The following MKLN1 variants were observed in gnomAD, a reference collection of about 807,000 sequenced individuals.
MKLN1 encodes muskelin.
In MKLN1, 18 loss-of-function variants were observed where a neutral mutation model predicts 99.0. That is an observed-to-expected ratio of 0.18 (90% confidence interval 0.13 to 0.27). MKLN1 has a LOEUF of 0.27. Among genes scored for constraint, MKLN1 ranks in the 10% least tolerant of loss-of-function variants. The pLI is 1.00. For synonymous variants in MKLN1, 288 were observed against 293.2 expected, an observed-to-expected ratio of 0.98 and a Z score of 0.18; for missense variants, 621 against 875.9, an observed-to-expected ratio of 0.71 and a Z score of 3.67.
At chr7:131,136,580 A>G (rs1438317227) in intron 1 of MKLN1, among the ~76,000 whole-genome samples, 1 of 152,184 alleles carries the variant, frequency 6.6e-6, no homozygotes, top group Admixed American at 6.5e-5. Context: ...TACCGATTCC[A>G]TATAGAATGT....
chr7:131,459,908 A>G (rs1347813019), intron 12 of MKLN1, among the ~76,000 whole-genome samples: 1 of 151,962 alleles, frequency 6.6e-6, no homozygotes, highest in African/African-American at 2.4e-5. Context: ...TTTGGCTTCG[A>G]TGGGTATATC....
intron 3 of MKLN1, among the ~76,000 whole-genome samples, chr7:131,272,136 C>T (rs1431520167): frequency 6.6e-6 from 1 of 152,138 alleles, no homozygotes; most frequent in Admixed American, 6.5e-5. Context: ...GAAGCGAAGG[C>T]CTCTGAAGCT....
At chr7:131,418,407 G>C (rs1795089641) in intron 8 of MKLN1, among the ~76,000 whole-genome samples, 1 of 151,122 alleles carries the variant, frequency 6.6e-6, no homozygotes, top group Admixed American at 6.6e-5. Context: ...GATAAATCAG[G>C]GGTGTTCAAT....
At chr7:131,485,929 T>C (rs1183330850) in intron 17 of MKLN1, among the ~76,000 whole-genome samples, 1 of 152,066 alleles carries the variant, frequency 6.6e-6, no homozygotes, top group Non-Finnish European at 1.5e-5. Context: ...CTGGTATTAT[T>C]GGGACATCAA....
chr7:131,464,139 C>T (rs556312228), intron 13 of MKLN1, 155 bp from the exon 14 acceptor site: 60 of 480,390 alleles, frequency 1.2e-4, no homozygotes, highest in Admixed American at 5.0e-4. Context: ...TAACAAATTC[C>T]GATTGTTTTA....
intron 3 of MKLN1, among the ~76,000 whole-genome samples, chr7:131,271,807 G>A (rs1390812239): frequency 6.6e-6 from 1 of 151,970 alleles, no homozygotes; most frequent in African/African-American, 2.4e-5. Context: ...TACTCAGGAG[G>A]CTGAGGCAGG....
intron 1 of MKLN1, among the ~76,000 whole-genome samples, chr7:131,140,702 C>T (rs1312914039): frequency 1.3e-5 from 2 of 152,148 alleles, no homozygotes; most frequent in Non-Finnish European, 2.9e-5. Flanking sequence ...GCCAAATAAA[C>T]CTTTTTTCTT....
At position 131,490,849 on chromosome 7, in the gene MKLN1, C is replaced by G. The variant is rs1388625645; in HGVS notation, c.*3121C>G. 1 of 152,494 alleles carries G rather than the reference C, an allele frequency of 6.6e-6. No homozygotes were observed. Among genetic ancestry groups the G allele is most frequent in the Non-Finnish European group, 1.5e-5 (1 of 68,004 alleles). 9.4% of individuals were successfully genotyped at this position (152,494 alleles called of 1,614,324 possible). ...GCCTTAAAAGTGCTATGTAGAGATA[C>G]ATTAACAGAGTTATAATAAAACAGT... On this transcript the variant is annotated 3_prime_UTR_variant, in exon 18 of 18. Transcript: ENST00000352689.
At chr7:131,133,923 A>G (rs1285833715) in intron 1 of MKLN1, among the ~76,000 whole-genome samples, 8 of 132,204 alleles carry the variant, frequency 6.1e-5, no homozygotes, top group East Asian at 2.4e-4. Context: ...TCTGCCTCCC[A>G]GGTTCAAGCG....
At chr7:131,150,179 G>T (rs1399590460) in intron 2 of MKLN1, among the ~76,000 whole-genome samples, 1 of 151,796 alleles carries the variant, frequency 6.6e-6, no homozygotes, top group South Asian at 2.1e-4. Context: ...TGTTACAAAC[G>T]CTCTCAATCA....
Position 131,212,714 on chromosome 7 carries a change from G to GGGA in MKLN1, c.-179+9742_-179+9744dup, listed in dbSNP as rs551346732. 1.3e-3 allele frequency among the ~76,000 whole-genome samples: 195 copies of GGGA among 152,140 alleles called. 1 individual carries two copies. The highest frequency in any genetic ancestry group is 4.5e-3 in the African/African-American group (188 of 41,538). ...CGAGGAGGGTGGATCACCTGAGGTT[G>GGGA]GGAGTTCGAGACCAGCCTGACCAAC... On this transcript the variant is annotated intron_variant, in intron 3 of 7. Transcript: ENST00000416992.
chr7:131,489,866 A>C lies in MKLN1; in HGVS notation c.*2138A>C, dbSNP rs902273231. The C allele has an allele frequency of 2.0e-5, 3 of 152,002 alleles. No homozygotes were observed. The highest frequency in any genetic ancestry group is 4.4e-5 in the Non-Finnish European group (3 of 67,980). 9.4% of individuals were successfully genotyped at this position (152,002 alleles called of 1,614,324 possible). A position where few individuals can be genotyped will look rare whatever the true frequency, so the allele number is the denominator to read the frequency against. Reference sequence around the variant, plus strand: ...TCTTCCCTCACTTTATTTAGGTAGAATTTTTCCCCCTTCATTTCTGAAATT... The same window carrying C: ...TCTTCCCTCACTTTATTTAGGTAGACTTTTTCCCCCTTCATTTCTGAAATT... On this transcript the variant is annotated 3_prime_UTR_variant, in exon 18 of 18. Coordinates refer to ENST00000352689, the MANE Select transcript of MKLN1 (RefSeq NM_013255.5).
chr7:131,492,734 C>CCA lies in MKLN1; in HGVS notation c.*5006_*5007insCA, dbSNP rs758264068. On this transcript the variant is annotated 3_prime_UTR_variant, in exon 18 of 18. Transcript: ENST00000352689. ...TGGGCAACAGAGCAAGACCCTGTCTCAAAAAAAAAAAAAAAAAAAGAATGT... is the reference window on the plus strand; with the variant it reads ...TGGGCAACAGAGCAAGACCCTGTCTCCAAAAAAAAAAAAAAAAAAAAGAATGT... The CCA allele has an allele frequency of 8.5e-6, 1 of 117,196 alleles. No individual in the cohort carries two copies. The highest frequency in any genetic ancestry group is 9.2e-5 in the Admixed American group (1 of 10,928). 7.3% of individuals were successfully genotyped at this position (117,196 alleles called of 1,614,324 possible).
intron 3 of MKLN1, among the ~76,000 whole-genome samples, chr7:131,239,717 C>T (rs963361973): frequency 5.8e-4 from 88 of 152,276 alleles, no homozygotes; most frequent in Middle Eastern, 3.4e-3. Flanking sequence ...GGATTGGATA[C>T]GGTGGCTCAT....
chr7:131,245,221 TG>T (rs1429615823), intron 3 of MKLN1, among the ~76,000 whole-genome samples: 1 of 152,012 alleles, frequency 6.6e-6, no homozygotes, highest in African/African-American at 2.4e-5. Context: ...TTTCGGTCAG[TG>T]ACAGACTGCA....
At chr7:131,463,407 A>T (rs1226950650) in intron 13 of MKLN1, 43 bp downstream of exon 13, 15 of 1,562,088 alleles carry the variant, frequency 9.6e-6, no homozygotes, top group Non-Finnish European at 1.3e-5. Context: ...TGTAATAATT[A>T]TTTGAGGTTG....
chr7:131,368,225 A>G (rs1800240019), intron 1 of MKLN1, among the ~76,000 whole-genome samples: 1 of 152,248 alleles, frequency 6.6e-6, no homozygotes, highest in South Asian at 2.1e-4. Flanking sequence ...AAAACAGTCT[A>G]GATCTTACTT....
chr7:131,239,139 G>A (rs776928558), intron 3 of MKLN1, among the ~76,000 whole-genome samples: 2 of 151,484 alleles, frequency 1.3e-5, no homozygotes, highest in African/African-American at 4.9e-5. Flanking sequence ...AGGGTGGCAG[G>A]GTACTCCATT....
In MKLN1 at chr7:131,192,109, T is replaced by TTA. The variant is rs1368024266; in HGVS notation, c.-296-10739_-296-10738dup. On this transcript the variant is annotated intron_variant, in intron 2 of 7. Transcript: ENST00000416992. ...TATTATATATATATGTATATATATA[T>TTA]TATATATATACGTATATATATAAAA... Among the ~76,000 whole-genome samples the TTA allele has an allele frequency of 3.5e-4, 28 of 80,332 alleles. 2 individuals carry two copies. Among genetic ancestry groups the TTA allele is most frequent in the African/African-American group, 1.3e-3 (22 of 16,578 alleles). The allele number at this position is 80,332 out of a possible 152,430, so 52.7% of individuals were successfully genotyped here.
Sources: gnomAD v4.1 joint callset for allele counts (sites outside exome capture counted in the v4.1 genomes callset) on GRCh38, gnomAD v4.1.1 for gene constraint, MANE v1.5 for transcripts, NCBI Gene and HGNC (gene_info 2026-07-23, HGNC 2026-07-21) for gene names.